PCDHAC1: variants seen among roughly 807,000 people sequenced by gnomAD.
The protein encoded by PCDHAC1 is protocadherin alpha subfamily C, 1, also known as protocadherin alpha-C1.
Under a neutral mutation model 60.0 loss-of-function variants are expected in PCDHAC1, and 42 were observed. The observed-to-expected ratio is 0.70, with a 90% CI of 0.55 to 0.90. The LOEUF is 0.90. PCDHAC1 is among the 40% of genes least tolerant of loss of function. PCDHAC1 has a pLI of 0.00. For missense variants in PCDHAC1, 1,160 were observed against 1,222.3 expected (o/e 0.95, Z 0.76); for synonymous variants, 468 against 499.3 (o/e 0.94, Z 0.84).
intron 3 of PCDHAC1, chr5:140,988,873 G>A (rs1471282852): frequency 6.6e-6 from 1 of 152,170 alleles, no homozygotes; most frequent in Non-Finnish European, 1.5e-5. Context: ...GCACTCAGAT[G>A]TACGATCCTG....
At chr5:140,988,489 C>G (rs1197670303) in intron 3 of PCDHAC1, among the ~76,000 whole-genome samples, 4 of 152,134 alleles carry the variant, frequency 2.6e-5, no homozygotes, top group Non-Finnish European at 5.9e-5. Flanking sequence ...CATCCCCTAC[C>G]TAGGAGAAGC....
intron 3 of PCDHAC1, among the ~76,000 whole-genome samples, chr5:140,986,555 T>A (rs1554248143): frequency 6.6e-6 from 1 of 152,214 alleles, no homozygotes; most frequent in African/African-American, 2.4e-5. Context: ...GCCAGGCTGC[T>A]TTGTTATCTG....
At chr5:140,940,499 G>T (rs190058542) in intron 1 of PCDHAC1, among the ~76,000 whole-genome samples, 3 of 151,756 alleles carry the variant, frequency 2.0e-5, no homozygotes, top group Non-Finnish European at 4.4e-5. Flanking sequence ...GTCTTGCTCC[G>T]TCGCTCAGGC....
At chr5:141,005,687 G>A (rs1454342103) in intron 3 of PCDHAC1, among the ~76,000 whole-genome samples, 3 of 116,164 alleles carry the variant, frequency 2.6e-5, no homozygotes, top group African/African-American at 7.0e-5. Context: ...GGGCGACAGA[G>A]CGAAACTCCG....
rs75032728 is a variant in PCDHAC1 at position 140,932,740 on chromosome 5, T to C, written c.2433+3415T>C. On this transcript the variant is annotated intron_variant, in intron 1 of 3. Coordinates refer to ENST00000253807, the MANE Select transcript of PCDHAC1 (RefSeq NM_018898.5). The stretch of plus-strand genomic sequence containing the variant: ...ATATTGTATAATATAGACCCTCAAA[T>C]CAGTAAAAAGGAAAGAAAAAGAACA... 5.5e-3 allele frequency among the ~76,000 whole-genome samples: 829 copies of C among 151,670 alleles called. 4 individuals carry two copies. The highest frequency in any genetic ancestry group is 0.019 in the African/African-American group (798 of 41,410).
Position 141,009,767 on chromosome 5 carries a change from G to T in PCDHAC1, c.2722G>T (p.Ala908Ser). ...PDKFIIPGSP[A>S]IISIRQEPTN... is the part of the protein sequence containing the mutation. Reference sequence around the variant, plus strand: ...CAAATTCATTATCCCAGGATCTCCTGCAATCATCTCCATCCGGCAGGAGCC... The same window carrying T: ...CAAATTCATTATCCCAGGATCTCCTTCAATCATCTCCATCCGGCAGGAGCC... The change falls in exon 4 of 4, where the codon GCA becomes TCA. Residue 908 changes from alanine to serine, a missense_variant. This residue lies in a region of PCDHAC1 where 1,113 missense variants were observed against 1,163.7 expected (regional missense o/e 0.96). Coordinates refer to ENST00000253807, the MANE Select transcript of PCDHAC1 (RefSeq NM_018898.5). 1 of 1,614,108 alleles carries T rather than the reference G, an allele frequency of 6.2e-7. No individual in the cohort carries two copies. Among genetic ancestry groups the T allele is most frequent in the South Asian group, 1.1e-5 (1 of 91,072 alleles).
At chr5:140,948,957 C>G (rs1338643900) in intron 1 of PCDHAC1, among the ~76,000 whole-genome samples, 2 of 151,542 alleles carry the variant, frequency 1.3e-5, no homozygotes, top group Admixed American at 1.3e-4. Context: ...AAATTAAAGC[C>G]ACGAATTTAT....
In PCDHAC1 at chr5:140,968,374, C is replaced by T. The variant is rs782537254; in HGVS notation, c.2434-10575C>T. On this transcript the variant is annotated intron_variant, in intron 1 of 3. Coordinates refer to ENST00000253807, the MANE Select transcript of PCDHAC1 (RefSeq NM_018898.5). ...GTGGCAGCCTTTATGCTGTCAACTC[C>T]TTTGACTATGAGAAGTTTCGGGAGT... is the stretch of plus-strand genomic sequence containing the variant. 5.0e-6 allele frequency: 8 copies of T among 1,614,064 alleles called. No homozygotes were observed. The Admixed American group carries it at 1.0e-4, about 20-fold the overall frequency.
Position 140,964,245 on chromosome 5 carries a change from T to C in PCDHAC1, c.2434-14704T>C, listed in dbSNP as rs549634734. On this transcript the variant is annotated intron_variant, in intron 1 of 3. Transcript: ENST00000253807. ...TCAAAATGAGGCTGATTGTGTTGGC[T>C]TTATATTTGACTCCTTAATAATTAA... is the stretch of plus-strand genomic sequence containing the variant. Among the ~76,000 whole-genome samples, 6 of 152,346 alleles carry C rather than the reference T, an allele frequency of 3.9e-5. No individual in the cohort carries two copies. In the East Asian group the frequency reaches 1.2e-3, roughly 29 times the overall value.
chr5:140,980,455 C>T (rs1412427414), intron 2 of PCDHAC1, among the ~76,000 whole-genome samples: 1 of 152,086 alleles, frequency 6.6e-6, no homozygotes, highest in African/African-American at 2.4e-5. Context: ...CACGGTGAAA[C>T]CCTGTCTCTA....
chr5:140,957,852 A>AT (rs5871756), intron 1 of PCDHAC1, among the ~76,000 whole-genome samples: 44,688 of 151,688 alleles, frequency 0.29, 7,154 homozygotes, highest in East Asian at 0.53. Context: ...GAGTTTGTGT[A>AT]TTTTTTTTCC....
chr5:140,968,195 T>C, intron 1 of PCDHAC1: 1 of 1,614,076 alleles, frequency 6.2e-7, no homozygotes, highest in East Asian at 2.2e-5. Context: ...CTATTCCATC[T>C]ACATACAGGA....
chr5:140,929,517 A>G, intron 1 of PCDHAC1, 192 bp downstream of exon 1: 1 of 761,634 alleles, frequency 1.3e-6, no homozygotes, highest in Non-Finnish European at 1.9e-6. Context: ...CAAGGGACTT[A>G]TAGTTTATTT....
At chr5:140,958,544 A>G (rs1218939069) in intron 1 of PCDHAC1, among the ~76,000 whole-genome samples, 1 of 152,182 alleles carries the variant, frequency 6.6e-6, no homozygotes, top group Non-Finnish European at 1.5e-5. Flanking sequence ...TGATTTATGA[A>G]CCAATAAATG....
rs1228039818 is a variant in PCDHAC1 at position 140,928,148 on chromosome 5, A to G, written c.1256A>G (p.Asp419Gly). The stretch of plus-strand genomic sequence containing the variant: ...TACCAAGTCCTGATCACGGCCTCAG[A>G]TAGTGGCTCACCCCCACTTAGCACC... ...SEYQVLITAS[D>G]SGSPPLSTRR... Residue 419 changes from aspartate to glycine, a missense_variant, in exon 1 of 4, where the codon GAT (aspartate) becomes GGT (glycine). Around this residue, in one of 3 missense-constraint regions of PCDHAC1, gnomAD observed 1,113 missense variants for 1,163.7 expected, o/e 0.96. Transcript: ENST00000253807. 1 of 1,614,054 alleles carries G rather than the reference A, an allele frequency of 6.2e-7. No homozygotes were observed. The highest frequency in any genetic ancestry group is 1.3e-5 in the African/African-American group (1 of 74,922).
chr5:140,969,066 G>A (rs2096292938), intron 1 of PCDHAC1: 2 of 1,614,144 alleles, frequency 1.2e-6, no homozygotes, highest in Admixed American at 3.3e-5. Context: ...ATTGATGCCA[G>A]GATACCGCAT....
Position 140,927,866 on chromosome 5 carries a change from A to G in PCDHAC1, c.974A>G (p.Lys325Arg), listed in dbSNP as rs1554205166. The G allele has an allele frequency of 2.5e-6, 4 of 1,614,224 alleles. No individual in the cohort carries two copies. In the Admixed American group the frequency reaches 6.7e-5, roughly 27 times the overall value. Residue 325 changes from lysine (K) to arginine (R), a missense_variant, in exon 1 of 4, where the codon AAA (lysine) becomes AGA (arginine). By Grantham distance (26) the Lys-to-Arg change is conservative. Transcript: ENST00000253807. ...EGVFGLASTA[K>R]LLVEVTDVND... Reference sequence around the variant, plus strand: ...GTCTTTGGTTTAGCTAGCACCGCTAAACTGCTGGTGGAGGTGACTGACGTG... The same window carrying G: ...GTCTTTGGTTTAGCTAGCACCGCTAGACTGCTGGTGGAGGTGACTGACGTG...
At chr5:140,948,106 T>A (rs1383733772) in intron 1 of PCDHAC1, among the ~76,000 whole-genome samples, 1 of 151,652 alleles carries the variant, frequency 6.6e-6, no homozygotes, top group Non-Finnish European at 1.5e-5. Context: ...TGATTTTTCT[T>A]CGTTTTACTA....
intron 1 of PCDHAC1, chr5:140,929,973 G>A (rs955255771): frequency 6.6e-6 from 1 of 152,136 alleles, no homozygotes; most frequent in Non-Finnish European, 1.5e-5. Context: ...TTTGGTGAAG[G>A]TGTCTTCTTT....
Sources: gnomAD v4.1 joint callset for allele counts (sites outside exome capture counted in the v4.1 genomes callset) on GRCh38, gnomAD v4.1.1 for gene constraint, gnomAD v4.1.1 regional missense constraint, MANE v1.5 for transcripts, NCBI Gene and HGNC (gene_info 2026-07-23, HGNC 2026-07-21) for gene names.